PCBP3: variants seen among roughly 807,000 people sequenced by gnomAD.
The protein encoded by PCBP3 is poly(rC)-binding protein 3.
A neutral mutation model predicts 52.7 loss-of-function variants in PCBP3; 25 were observed. The ratio of observed to expected loss-of-function variants is 0.47; its 90% CI spans 0.35 to 0.66. The LOEUF is 0.66. PCBP3 is among the 30% of genes least tolerant of loss of function. The pLI, the probability that PCBP3 is intolerant of heterozygous loss-of-function variation, is 0.01. For missense variants in PCBP3, 391 were observed against 490.3 expected (o/e 0.80, Z 1.91); for synonymous variants, 162 against 183.0 (o/e 0.89, Z 0.93).
At chr21:45,695,148 T>C (rs1050087458) in intron 2 of PCBP3, among the ~76,000 whole-genome samples, 1 of 152,150 alleles carries the variant, frequency 6.6e-6, no homozygotes, top group African/African-American at 2.4e-5. Context: ...ACCCAAATGG[T>C]GTGCTGTGCC....
chr21:45,703,313 TG>T (rs1246902598), intron 2 of PCBP3, among the ~76,000 whole-genome samples: 4 of 152,246 alleles, frequency 2.6e-5, no homozygotes, highest in African/African-American at 9.6e-5. Context: ...AATCACCATC[TG>T]TGGCAGCTAT....
chr21:45,917,758 A>G lies in PCBP3; in HGVS notation c.717+129A>G, dbSNP rs1330112767. 2 of 816,684 alleles carry G rather than the reference A, an allele frequency of 2.4e-6. No individual in the cohort carries two copies. The highest frequency in any genetic ancestry group is 1.4e-5 in the South Asian group (1 of 72,764). 50.6% of individuals were successfully genotyped at this position (816,684 alleles called of 1,614,324 possible). A position where few individuals can be genotyped will look rare whatever the true frequency, so the allele number is the denominator to read the frequency against. ...ATTAATCAACTTCTCAGCGTTCCTG[A>G]CCTGTGTCGTATCCATATGACCTCG... On this transcript the variant is annotated intron_variant, in intron 13 of 17. Coordinates refer to ENST00000681687, the MANE Select transcript of PCBP3 (RefSeq NM_001384156.1). This position sits in a 1 kb window ranked among gnomAD's most constrained non-coding sequence, Gnocchi z 5.3.
chr21:45,700,081 A>G (rs1179978840), intron 2 of PCBP3, among the ~76,000 whole-genome samples: 2 of 152,202 alleles, frequency 1.3e-5, no homozygotes, highest in Non-Finnish European at 2.9e-5. Context: ...AAGCTGAGGG[A>G]CAGGACCCAT....
chr21:45,717,859 GT>G (rs551602451), intron 2 of PCBP3, among the ~76,000 whole-genome samples: 3 of 152,186 alleles, frequency 2.0e-5, no homozygotes, highest in Non-Finnish European at 1.5e-5. Context: ...GAGTTGGGAA[GT>G]ATCCTTTTCT....
At chr21:45,869,957 G>C (rs1438938450) in intron 5 of PCBP3, among the ~76,000 whole-genome samples, 1 of 152,212 alleles carries the variant, frequency 6.6e-6, no homozygotes, top group Non-Finnish European at 1.5e-5. Flanking sequence ...TTTTTAGTCG[G>C]ATTTTTTTAG....
At chr21:45,693,872 A>G (rs1205886203) in intron 2 of PCBP3, among the ~76,000 whole-genome samples, 2 of 152,150 alleles carry the variant, frequency 1.3e-5, no homozygotes, top group Admixed American at 6.5e-5. Flanking sequence ...GGGTAAATAT[A>G]TGAACAAATA....
intron 4 of PCBP3, among the ~76,000 whole-genome samples, chr21:45,765,289 A>C (rs1390744162): frequency 6.6e-6 from 1 of 152,226 alleles, no homozygotes; most frequent in African/African-American, 2.4e-5. Context: ...GGCCTGGGAA[A>C]CCCTTCCCAC....
intron 16 of PCBP3, among the ~76,000 whole-genome samples, chr21:45,936,979 A>C (rs2839065): frequency 0.059 from 8,983 of 152,202 alleles, 655 homozygotes; most frequent in African/African-American, 0.17. Flanking sequence ...TTCATGGAAA[A>C]GGCTATTGAC....
chr21:45,726,784 A>T (rs1024504087), intron 2 of PCBP3, among the ~76,000 whole-genome samples: 1 of 152,212 alleles, frequency 6.6e-6, no homozygotes, highest in Non-Finnish European at 1.5e-5. Context: ...TTTCCTGGCC[A>T]GATCGTCTTT....
At chr21:45,693,654 A>G (rs1340556826) in intron 2 of PCBP3, among the ~76,000 whole-genome samples, 1 of 152,186 alleles carries the variant, frequency 6.6e-6, no homozygotes, top group East Asian at 1.9e-4. Context: ...AAGAATTTCA[A>G]TGCTGACAGA....
At chr21:45,932,130 G>A (rs1293992880) in intron 15 of PCBP3, among the ~76,000 whole-genome samples, 1 of 128,332 alleles carries the variant, frequency 7.8e-6, no homozygotes, top group Non-Finnish European at 1.6e-5. Context: ...TCCTGAGGTG[G>A]ATGAACACCT....
rs996216580 is a variant in PCBP3, at chr21:45,704,096, A to G, written c.-199-31296A>G. 6.6e-6 allele frequency among the ~76,000 whole-genome samples: 1 copy of G among 152,194 alleles called. No individual in the cohort carries two copies. The highest frequency in any genetic ancestry group is 1.5e-5 in the Non-Finnish European group (1 of 68,036). Reference sequence around the variant, plus strand: ...CTCTGGCTGATGTCAAGAGGTCAGAAGGGAAGACACGTTTATCTTGAGTTG... The same window carrying G: ...CTCTGGCTGATGTCAAGAGGTCAGAGGGGAAGACACGTTTATCTTGAGTTG... On this transcript the variant is annotated intron_variant, in intron 2 of 17. Coordinates refer to ENST00000681687, the MANE Select transcript of PCBP3 (RefSeq NM_001384156.1). This position sits in a 1 kb window ranked among gnomAD's most constrained non-coding sequence, Gnocchi z 4.1.
chr21:45,714,779 C>T (rs1456346593), intron 2 of PCBP3, among the ~76,000 whole-genome samples: 1 of 152,124 alleles, frequency 6.6e-6, no homozygotes, highest in African/African-American at 2.4e-5. Context: ...ATGTGGGGAC[C>T]TTGCTCTTGG....
chr21:45,776,974 A>G (rs1274107088), intron 4 of PCBP3, among the ~76,000 whole-genome samples: 2 of 151,992 alleles, frequency 1.3e-5, no homozygotes, highest in African/African-American at 4.8e-5. Flanking sequence ...CATTTAAGCC[A>G]TTTCTGTTCC....
intron 4 of PCBP3, among the ~76,000 whole-genome samples, chr21:45,780,695 T>G (rs1379496095): frequency 2.6e-5 from 4 of 152,000 alleles, no homozygotes; most frequent in Non-Finnish European, 5.9e-5. Flanking sequence ...GCATTTGTAT[T>G]AAGTAATATG....
At chr21:45,659,868 T>C (rs1283959966) in intron 1 of PCBP3, among the ~76,000 whole-genome samples, 1 of 152,204 alleles carries the variant, frequency 6.6e-6, no homozygotes, top group Non-Finnish European at 1.5e-5. Flanking sequence ...GGCTAACACC[T>C]GGTCTGTTCT....
At chr21:45,701,748 C>T (rs61659964) in intron 2 of PCBP3, among the ~76,000 whole-genome samples, 20 of 152,238 alleles carry the variant, frequency 1.3e-4, no homozygotes, top group African/African-American at 3.1e-4. Flanking sequence ...TTAGTAGAGA[C>T]GAGGTTTTGC....
At chr21:45,896,166 G>T in intron 5 of PCBP3, 42 bp from the exon 6 acceptor site, 2 of 1,544,804 alleles carry the variant, frequency 1.3e-6, no homozygotes, top group Non-Finnish European at 8.8e-7. Flanking sequence ...TGCGTGGTCC[G>T]TGAGACTCTT....
Position 45,928,534 on chromosome 21 carries a change from G to T in PCBP3, c.718-1383G>T, listed in dbSNP as rs1301864595. Among the ~76,000 whole-genome samples, 5 of 152,202 alleles carry T rather than the reference G, an allele frequency of 3.3e-5. No homozygotes were observed. ...CCCAGGAGCACACAGCTGGGAAGGC[G>T]CTGGGACCACAGTCGCCGCATTCCT... On this transcript the variant is annotated intron_variant, in intron 13 of 17. Transcript: ENST00000681687. The surrounding 1 kb of genome is among the most constrained non-coding windows in gnomAD (Gnocchi z 4.1).
Sources: allele counts gnomAD v4.1 joint callset (sites outside exome capture counted in the v4.1 genomes callset), GRCh38; gene constraint gnomAD v4.1.1; non-coding constraint Gnocchi (gnomAD v3.1); transcripts MANE v1.5; gene names NCBI Gene and HGNC (gene_info 2026-07-23, HGNC 2026-07-21).